Variants in MACROD2 observed in about 807,000 individuals in gnomAD.
The protein encoded by MACROD2 is mono-ADP ribosylhydrolase 2.
A neutral mutation model predicts 70.4 loss-of-function variants in MACROD2; 36 were observed. The ratio of observed to expected loss-of-function variants is 0.51; its 90% CI spans 0.39 to 0.68. The LOEUF is 0.68. Among genes scored for constraint, MACROD2 ranks in the 30% least tolerant of loss-of-function variants. The pLI is 0.00. For missense variants in MACROD2, 496 were observed against 538.4 expected, an observed-to-expected ratio of 0.92 and a Z score of 0.78; for synonymous variants, 172 against 178.8, an observed-to-expected ratio of 0.96 and a Z score of 0.30.
intron 3 of MACROD2, among the ~76,000 whole-genome samples, chr20:14,172,673 G>A (rs1216730135): frequency 6.6e-6 from 1 of 152,084 alleles, no homozygotes; most frequent in East Asian, 1.9e-4. Context: ...GAGATGTGAG[G>A]TACTATTCTA....
In MACROD2 at chr20:14,270,935, G is replaced by A. The variant is rs573649173; in HGVS notation, c.271+185207G>A. Among the ~76,000 whole-genome samples the A allele has an allele frequency of 5.3e-5, 8 of 152,346 alleles. No individual in the cohort carries two copies. In the East Asian group the frequency reaches 1.5e-3, roughly 29 times the overall value. ...AAACTGCAAGGCCGCAGCGAGGCTG[G>A]GGGAGGAGCGCCCGCCATTGCCCAG... is the stretch of plus-strand genomic sequence containing the variant. On this transcript the variant is annotated intron_variant, in intron 3 of 17. Transcript: ENST00000684519.
chr20:14,279,840 T>G (rs186119252), intron 3 of MACROD2, among the ~76,000 whole-genome samples: 12 of 152,304 alleles, frequency 7.9e-5, no homozygotes, highest in Middle Eastern at 3.4e-3. Flanking sequence ...TTTCCTACAC[T>G]TGGGAAATGT....
chr20:15,352,517 T>G (rs577413818), intron 6 of MACROD2, among the ~76,000 whole-genome samples: 3 of 152,250 alleles, frequency 2.0e-5, no homozygotes, highest in East Asian at 3.9e-4. Context: ...AAAATTTAAC[T>G]TCAGAAGTAT....
chr20:15,187,102 G>C (rs985285323), intron 5 of MACROD2, among the ~76,000 whole-genome samples: 3 of 152,174 alleles, frequency 2.0e-5, no homozygotes, highest in Non-Finnish European at 4.4e-5. Context: ...TGATGGTTGA[G>C]AGCCACTGCT....
At chr20:14,285,628 A>T (rs1013584398) in intron 3 of MACROD2, among the ~76,000 whole-genome samples, 6 of 152,066 alleles carry the variant, frequency 3.9e-5, no homozygotes, top group Admixed American at 1.3e-4. Flanking sequence ...AAAAAAAAAA[A>T]ACTTGAGGAC....
intron 4 of MACROD2, among the ~76,000 whole-genome samples, chr20:14,624,150 G>GGTA (rs533439183): frequency 2.1e-4 from 32 of 152,292 alleles, no homozygotes; most frequent in African/African-American, 7.7e-4. Context: ...GAAGGCAGGA[G>GGTA]GTAGACCTTA....
At position 14,733,562 on chromosome 20, in the gene MACROD2, G is replaced by T. The variant is rs573573434; in HGVS notation, c.418+48603G>T. On this transcript the variant is annotated intron_variant, in intron 5 of 17. Transcript: ENST00000684519. ...TATCAGTACATGGAGAAGAATTACA[G>T]CATAGCATAGAGTGTAGAAAAATGA... Among the ~76,000 whole-genome samples the T allele has an allele frequency of 4.6e-5, 7 of 152,274 alleles. No individual in the cohort carries two copies. The South Asian group carries it at 1.0e-3, about 23-fold the overall frequency.
intron 6 of MACROD2, among the ~76,000 whole-genome samples, chr20:15,245,416 A>G (rs2077097221): frequency 6.6e-6 from 1 of 152,200 alleles, no homozygotes; most frequent in Admixed American, 6.5e-5. Context: ...AAATCTCAGG[A>G]ACTAATTATG....
chr20:15,736,505 A>C (rs768815910), intron 8 of MACROD2, among the ~76,000 whole-genome samples: 17 of 152,210 alleles, frequency 1.1e-4, no homozygotes, highest in Non-Finnish European at 2.5e-4. Flanking sequence ...GCATCTTGGG[A>C]GTAGGACTAC....
At chr20:14,789,794 T>G (rs1194840069) in intron 5 of MACROD2, among the ~76,000 whole-genome samples, 1 of 151,920 alleles carries the variant, frequency 6.6e-6, no homozygotes, top group Non-Finnish European at 1.5e-5. Context: ...CAAATTCTGA[T>G]GCAAACTTAT....
chr20:14,075,625 T>G (rs1445551498), intron 2 of MACROD2, among the ~76,000 whole-genome samples: 2 of 152,070 alleles, frequency 1.3e-5, no homozygotes, highest in African/African-American at 4.8e-5. Flanking sequence ...GATTTCCCCT[T>G]TAATTCTCTT....
chr20:14,639,536 A>G (rs969568881), intron 4 of MACROD2, among the ~76,000 whole-genome samples: 2 of 152,190 alleles, frequency 1.3e-5, no homozygotes, highest in African/African-American at 2.4e-5. Context: ...GTGGCCAGAC[A>G]GGACTGTGGT....
At chr20:15,795,478 G>A (rs2063664521) in intron 8 of MACROD2, among the ~76,000 whole-genome samples, 2 of 151,974 alleles carry the variant, frequency 1.3e-5, no homozygotes, top group Admixed American at 1.3e-4. Flanking sequence ...GGTAGGCCAT[G>A]GTGTAGTTGG....
At chr20:14,461,319 C>T (rs1282682538) in intron 3 of MACROD2, among the ~76,000 whole-genome samples, 1 of 151,828 alleles carries the variant, frequency 6.6e-6, no homozygotes, top group Non-Finnish European at 1.5e-5. Flanking sequence ...TCTGTCTTTT[C>T]TTCTTTAACA....
At chr20:14,635,712 C>T (rs1035664961) in intron 4 of MACROD2, among the ~76,000 whole-genome samples, 1 of 152,202 alleles carries the variant, frequency 6.6e-6, no homozygotes, top group Non-Finnish European at 1.5e-5. Flanking sequence ...ATGTAACTCT[C>T]ATATCATACT....
intron 6 of MACROD2, among the ~76,000 whole-genome samples, chr20:15,333,906 C>G (rs4814357): frequency 0.39 from 58,414 of 151,314 alleles, 11,895 homozygotes; most frequent in East Asian, 0.61. Context: ...GAACAGACCA[C>G]ATGGGTCACA....
intron 3 of MACROD2, among the ~76,000 whole-genome samples, chr20:14,101,726 A>G (rs1345498476): frequency 6.6e-6 from 1 of 151,788 alleles, no homozygotes; most frequent in Non-Finnish European, 1.5e-5. Context: ...GGAGTTAAAT[A>G]TTATAGTAAC....
chr20:14,158,036 T>C (rs931745761), intron 3 of MACROD2, among the ~76,000 whole-genome samples: 2 of 152,296 alleles, frequency 1.3e-5, no homozygotes, highest in Admixed American at 1.3e-4. Context: ...TTACCTTCCA[T>C]CAACAGTGTA....
At chr20:15,447,045 A>AGTGT (rs1395417856) in intron 7 of MACROD2, among the ~76,000 whole-genome samples, 28 of 120,380 alleles carry the variant, frequency 2.3e-4, no homozygotes, top group African/African-American at 8.7e-4. Context: ...GGGACCTAAG[A>AGTGT]GTGTGCGTGT....
Sources: gnomAD v4.1 joint callset for allele counts (sites outside exome capture counted in the v4.1 genomes callset) on GRCh38, gnomAD v4.1.1 for gene constraint, MANE v1.5 for transcripts, NCBI Gene and HGNC (gene_info 2026-07-23, HGNC 2026-07-21) for gene names.